The following PARD3 variants were observed in gnomAD, a reference collection of about 807,000 sequenced individuals.
PARD3 encodes the protein par-3 family cell polarity regulator.
A neutral mutation model predicts 155.4 loss-of-function variants in PARD3; 75 were observed. The observed-to-expected ratio is 0.48, with a 90% CI of 0.40 to 0.58. The LOEUF is 0.58. Ranked by LOEUF, PARD3 falls within the 20% of genes least tolerant of loss-of-function variation. The pLI is 0.00. For synonymous variants in PARD3, 576 were observed against 610.5 expected, an observed-to-expected ratio of 0.94 and a Z score of 0.83; for missense variants, 1,642 against 1,721.7, an observed-to-expected ratio of 0.95 and a Z score of 0.82.
chr10:34,454,872 T>C (rs1188059260), intron 4 of PARD3, among the ~76,000 whole-genome samples: 1 of 152,172 alleles, frequency 6.6e-6, no homozygotes, highest in East Asian at 1.9e-4. Context: ...GGTAGCGGTA[T>C]CCTGGCTATG....
In PARD3 at chr10:34,814,917, T is replaced by G. The variant is rs1236756714; in HGVS notation, c.79A>C (p.Ile27Leu). Reference protein sequence around the residue: ...GDGHMKVFSLIQQAVTRYRKA... With the variant: ...GDGHMKVFSLLQQAVTRYRKA... ...CGGTAGCGGGTCACCGCCTGCTGGA[T>G]GAGGCTGAAAACTTTCATGTGGCCG... is the stretch of plus-strand genomic sequence containing the variant. The change falls in exon 1 of 25, where the codon ATC becomes CTC. Residue 27 changes from isoleucine (I) to leucine (L), a missense_variant. Around this residue, in one of 3 missense-constraint regions of PARD3, gnomAD observed 75 missense variants for 65.3 expected, o/e 1.15. Transcript: ENST00000374788. 11 of 1,560,946 alleles carry G rather than the reference T, an allele frequency of 7.0e-6. No homozygotes were observed. The highest frequency in any genetic ancestry group is 9.5e-6 in the Non-Finnish European group (11 of 1,155,428).
intron 12 of PARD3, among the ~76,000 whole-genome samples, chr10:34,364,404 C>T (rs1304222030): frequency 6.6e-6 from 1 of 152,062 alleles, no homozygotes; most frequent in Non-Finnish European, 1.5e-5. Context: ...ATTTCTCTCT[C>T]TCAAGATCTG....
At chr10:34,413,961 A>G (rs1169967151) in intron 5 of PARD3, among the ~76,000 whole-genome samples, 1 of 152,210 alleles carries the variant, frequency 6.6e-6, no homozygotes, top group East Asian at 1.9e-4. Context: ...TAACGATCTC[A>G]TTTCTTCTGA....
intron 22 of PARD3, among the ~76,000 whole-genome samples, chr10:34,203,938 G>A (rs1214616640): frequency 2.0e-5 from 3 of 152,198 alleles, no homozygotes; most frequent in African/African-American, 7.2e-5. Context: ...TTCAAAGAAG[G>A]TTCTAAATGC....
chr10:34,123,582 T>C (rs188197557), intron 23 of PARD3, among the ~76,000 whole-genome samples: 158 of 152,216 alleles, frequency 1.0e-3, no homozygotes, highest in Admixed American at 2.4e-3. Flanking sequence ...TGCACCACCA[T>C]GCCTGGTTAA....
chr10:34,429,564 G>C (rs1376708043), intron 5 of PARD3, among the ~76,000 whole-genome samples: 2 of 103,086 alleles, frequency 1.9e-5, no homozygotes, highest in Non-Finnish European at 3.5e-5. Flanking sequence ...GTTTTGTTTT[G>C]TTTTGTTTTG....
At chr10:34,368,807 A>AG (rs1256914911) in intron 12 of PARD3, among the ~76,000 whole-genome samples, 1 of 148,442 alleles carries the variant, frequency 6.7e-6, no homozygotes, top group African/African-American at 2.5e-5. Context: ...CGCGTGTTCT[A>AG]GGAAAGCCTA....
At chr10:34,577,685 C>A (rs983476347) in intron 2 of PARD3, among the ~76,000 whole-genome samples, 2 of 152,176 alleles carry the variant, frequency 1.3e-5, no homozygotes, top group African/African-American at 4.8e-5. Flanking sequence ...AAAAAAATTT[C>A]ATCACTAACT....
chr10:34,795,998 A>C (rs1842213612), intron 1 of PARD3, among the ~76,000 whole-genome samples: 1 of 152,226 alleles, frequency 6.6e-6, no homozygotes, highest in Non-Finnish European at 1.5e-5. Context: ...TGCTTTCATG[A>C]TCTTACACTT....
chr10:34,672,602 G>A (rs138545084), intron 2 of PARD3, among the ~76,000 whole-genome samples: 1 of 152,200 alleles, frequency 6.6e-6, no homozygotes, highest in African/African-American at 2.4e-5. Context: ...AGGACTGCTC[G>A]AGGTCAGGAG....
chr10:34,402,759 C>T (rs931868825), intron 5 of PARD3, among the ~76,000 whole-genome samples: 1 of 152,156 alleles, frequency 6.6e-6, no homozygotes, highest in Non-Finnish European at 1.5e-5. Context: ...CTATTCTCAG[C>T]TTACAAACCA....
intron 4 of PARD3, among the ~76,000 whole-genome samples, chr10:34,453,720 G>A (rs1165666292): frequency 6.6e-6 from 1 of 152,188 alleles, no homozygotes; most frequent in Non-Finnish European, 1.5e-5. Context: ...TACAGCATAT[G>A]ATGTCTGTGG....
chr10:34,799,740 C>G (rs1228163098), intron 1 of PARD3, among the ~76,000 whole-genome samples: 1 of 151,672 alleles, frequency 6.6e-6, no homozygotes, highest in Non-Finnish European at 1.5e-5. Context: ...CTTGCAATCC[C>G]AGCACTTTGG....
intron 2 of PARD3, among the ~76,000 whole-genome samples, chr10:34,679,574 C>A (rs867079540): frequency 1.3e-4 from 20 of 152,138 alleles, no homozygotes; most frequent in Non-Finnish European, 1.8e-4. Context: ...TGCTCAAATA[C>A]ACATATTTTA....
intron 2 of PARD3, among the ~76,000 whole-genome samples, chr10:34,684,878 T>TACACACACACAC (rs57035644): frequency 4.6e-4 from 64 of 137,886 alleles, no homozygotes; most frequent in Middle Eastern, 3.6e-3. Flanking sequence ...TACACACACA[T>TACACACACACAC]ACACACACAC....
chr10:34,696,471 G>C (rs550463501), intron 1 of PARD3, 52 bp from the exon 2 acceptor site: 12 of 1,091,542 alleles, frequency 1.1e-5, no homozygotes, highest in Non-Finnish European at 1.5e-5. Context: ...TCACCAAAAG[G>C]GAATTAGACA....
chr10:34,791,064 G>A (rs1223274752), intron 1 of PARD3, among the ~76,000 whole-genome samples: 1 of 152,178 alleles, frequency 6.6e-6, no homozygotes, highest in Admixed American at 6.5e-5. Flanking sequence ...CAGCCCAACT[G>A]TATTCTCAAC....
intron 22 of PARD3, among the ~76,000 whole-genome samples, chr10:34,179,345 AC>A (rs992180102): frequency 6.6e-6 from 1 of 152,110 alleles, no homozygotes; most frequent in Non-Finnish European, 1.5e-5. Context: ...TTCTCCAAAT[AC>A]CCGTGGATAA....
chr10:34,300,123 G>C (rs1239153913), intron 20 of PARD3, among the ~76,000 whole-genome samples: 1 of 152,138 alleles, frequency 6.6e-6, no homozygotes, highest in African/African-American at 2.4e-5. Flanking sequence ...AGGACTTTAT[G>C]TCTCTTTGGA....
Sources: gnomAD v4.1 joint callset for allele counts (sites outside exome capture counted in the v4.1 genomes callset) on GRCh38, gnomAD v4.1.1 for gene constraint, gnomAD v4.1.1 regional missense constraint, MANE v1.5 for transcripts, NCBI Gene and HGNC (gene_info 2026-07-23, HGNC 2026-07-21) for gene names.